The following SLC41A1 variants were observed in gnomAD, a reference collection of about 807,000 sequenced individuals.
SLC41A1 encodes solute carrier family 41 member 1, also known as solute carrier family 41 (magnesium transporter), member 1.
SLC41A1 carries 20 observed loss-of-function variants against 47.3 expected under a neutral mutation model. The observed-to-expected ratio is 0.42, with a 90% CI of 0.30 to 0.61. The LOEUF (loss-of-function observed/expected upper bound fraction) is 0.61. Among genes scored for constraint, SLC41A1 ranks in the 20% least tolerant of loss-of-function variants. The pLI is 0.17. For synonymous variants in SLC41A1, 282 were observed against 272.7 expected (o/e 1.03, Z -0.34); for missense variants, 504 against 674.1 (o/e 0.75, Z 2.79).
At chr1:205,812,373 G>A (rs1190672583) in intron 1 of SLC41A1, among the ~76,000 whole-genome samples, 1 of 152,154 alleles carries the variant, frequency 6.6e-6, no homozygotes, top group African/African-American at 2.4e-5. Context: ...CAGTACTGTG[G>A]TTCTTTCAAA....
At chr1:205,806,309 G>A (rs1375172067) in intron 2 of SLC41A1, among the ~76,000 whole-genome samples, 1 of 152,196 alleles carries the variant, frequency 6.6e-6, no homozygotes, top group Admixed American at 6.5e-5. Context: ...AGGCACAGGA[G>A]GAATACTTCC....
Position 205,798,943 on chromosome 1 carries a change from C to T in SLC41A1, c.697+14G>A. 6.2e-7 allele frequency: 1 copy of T among 1,614,114 alleles called. No individual in the cohort carries two copies. The highest frequency in any genetic ancestry group is 8.5e-7 in the Non-Finnish European group (1 of 1,180,020). On this transcript the variant is annotated intron_variant, in intron 5 of 10. Coordinates refer to ENST00000367137, the MANE Select transcript of SLC41A1 (RefSeq NM_173854.6). ...GGCGGCACTCCTTACTCCTCTATGC[C>T]CTCCCTTTCTTACCCAGTACCAGGG...
chr1:205,796,694 A>G (rs1316710990), intron 8 of SLC41A1: 4 of 594,290 alleles, frequency 6.7e-6, no homozygotes, highest in African/African-American at 5.6e-5. Context: ...CTTTAGGAGT[A>G]GAGGCTTCCC....
At chr1:205,812,407 G>C (rs924977464) in intron 1 of SLC41A1, among the ~76,000 whole-genome samples, 6 of 152,180 alleles carry the variant, frequency 3.9e-5, no homozygotes, top group Non-Finnish European at 7.4e-5. Context: ...GATCCAGGAG[G>C]AAACCTCTGA....
intron 9 of SLC41A1, 104 bp downstream of exon 9, chr1:205,795,240 G>A: frequency 7.7e-6 from 12 of 1,567,214 alleles, no homozygotes; most frequent in South Asian, 5.7e-5. Flanking sequence ...GCCCAGCAGA[G>A]AAGGAGAACC....
intron 7 of SLC41A1, 63 bp from the exon 8 acceptor site, chr1:205,797,066 G>T (rs915657950): frequency 2.7e-6 from 4 of 1,460,252 alleles, no homozygotes; most frequent in Non-Finnish European, 3.8e-6. Flanking sequence ...TAGTCTCTGG[G>T]ATGAGAGGTC....
chr1:205,800,407 G>A (rs532332469), intron 3 of SLC41A1, among the ~76,000 whole-genome samples: 257 of 152,336 alleles, frequency 1.7e-3, no homozygotes, highest in African/African-American at 5.9e-3. Context: ...CCAGGGCCCT[G>A]TATCTGTTCA....
At chr1:205,806,154 A>T (rs1474787458) in intron 2 of SLC41A1, among the ~76,000 whole-genome samples, 1 of 152,208 alleles carries the variant, frequency 6.6e-6, no homozygotes, top group Non-Finnish European at 1.5e-5. Flanking sequence ...CAACACCTGG[A>T]TATACGGTGC....
rs775460391 is a variant in SLC41A1, at chr1:205,799,843, G to C, written c.481-13C>G. Reference sequence around the variant, plus strand: ...GTCCAATGTTGGCCTGGGAAAGGGAGGGCAAGGGGCTGGAGCTTCAGGCTG... The same window carrying C: ...GTCCAATGTTGGCCTGGGAAAGGGACGGCAAGGGGCTGGAGCTTCAGGCTG... On this transcript the variant is annotated splice_polypyrimidine_tract_variant and intron_variant, in intron 3 of 10. Transcript: ENST00000367137. 3 of 1,613,830 alleles carry C rather than the reference G, an allele frequency of 1.9e-6. No individual in the cohort carries two copies. In the South Asian group the frequency reaches 3.3e-5, roughly 18 times the overall value.
At chr1:205,803,778 C>T (rs1414671377) in intron 2 of SLC41A1, among the ~76,000 whole-genome samples, 1 of 151,988 alleles carries the variant, frequency 6.6e-6, no homozygotes, top group East Asian at 1.9e-4. Flanking sequence ...CACCACCACA[C>T]CTGGCTAATT....
Position 205,813,087 on chromosome 1 carries a change from C to G in SLC41A1, c.-926G>C, listed in dbSNP as rs934334800. On this transcript the variant is annotated 5_prime_UTR_variant, in exon 1 of 11. Transcript: ENST00000367137. ...TATCGCTTCGGGCCCGGCGGGGGGG[C>G]ACCCGGACGGGGGACCGGGGAGCCG... The G allele has an allele frequency of 1.0e-6, 1 of 985,438 alleles. No homozygotes were observed. The highest frequency in any genetic ancestry group is 5.2e-4 in the Middle Eastern group (1 of 1,916). The allele number at this position is 985,438 out of a possible 1,614,324, so 61.0% of individuals were successfully genotyped here.
rs771216876 is a variant in SLC41A1 at position 205,810,788 on chromosome 1, G to A, written c.-347C>T. 2.8e-6 allele frequency: 1 copy of A among 355,868 alleles called. No individual in the cohort carries two copies. The highest frequency in any genetic ancestry group is 5.4e-6 in the Non-Finnish European group (1 of 185,368). 22.0% of individuals were successfully genotyped at this position (355,868 alleles called of 1,614,324 possible). A position where few individuals can be genotyped will look rare whatever the true frequency, so the allele number is the denominator to read the frequency against. On this transcript the variant is annotated 5_prime_UTR_variant, in exon 2 of 11. Coordinates refer to ENST00000367137, the MANE Select transcript of SLC41A1 (RefSeq NM_173854.6). The surrounding 1 kb of genome is among the most constrained non-coding windows in gnomAD (Gnocchi z 5.5). ...TCAGTGGCAGGCTCCTCAGAGCAGG[G>A]GGCATCCAGAGTAGAAGAGCTCAAC...
Position 205,790,748 on chromosome 1 carries a change from T to C in SLC41A1, c.*785A>G, listed in dbSNP as rs1341249. The C allele has an allele frequency of 0.7, 107,184 of 152,140 alleles. 39,512 individuals are homozygous for C. The highest frequency in any genetic ancestry group is 0.83 in the Non-Finnish European group (56,490 of 68,028). 9.4% of individuals were successfully genotyped at this position (152,140 alleles called of 1,614,324 possible). ...TCTGGGCCCAGGGAGACAAAGTCAT[T>C]TGGGCCCAGGGAGAATGTGGATTTT... On this transcript the variant is annotated 3_prime_UTR_variant, in exon 11 of 11. Coordinates refer to ENST00000367137, the MANE Select transcript of SLC41A1 (RefSeq NM_173854.6).
In SLC41A1 at chr1:205,791,712, T is replaced by C. The variant is rs1365622627; in HGVS notation, c.1363A>G (p.Ile455Val). 1.9e-6 allele frequency: 3 copies of C among 1,613,292 alleles called. No individual in the cohort carries two copies. In the African/African-American group the frequency reaches 4.0e-5, roughly 22 times the overall value. Reference sequence around the variant, plus strand: ...ATCCAGTCTGCGATGTACAGGAGAATCAGCACCTGGGGAGACAAAAGGGCC... The same window carrying C: ...ATCCAGTCTGCGATGTACAGGAGAACCAGCACCTGGGGAGACAAAAGGGCC... ...YMTAALLQVL[I>V]LLYIADWMVH... is the part of the protein sequence containing the mutation. The change falls in exon 11 of 11, where the codon ATT (isoleucine) becomes GTT (valine). Residue 455 changes from isoleucine (I) to valine (V), a missense_variant. Around this residue, in one of 2 missense-constraint regions of SLC41A1, gnomAD observed 421 missense variants for 601.6 expected, o/e 0.70. Coordinates refer to ENST00000367137, the MANE Select transcript of SLC41A1 (RefSeq NM_173854.6). This position sits in a 1 kb window ranked among gnomAD's most constrained non-coding sequence, Gnocchi z 4.0.
rs1215450325 is a variant in SLC41A1, at chr1:205,789,449, G to A, written c.*2084C>T. 6.6e-6 allele frequency: 1 copy of A among 152,346 alleles called. No individual in the cohort carries two copies. Among genetic ancestry groups the A allele is most frequent in the Admixed American group, 6.5e-5 (1 of 15,284 alleles). 9.4% of individuals were successfully genotyped at this position (152,346 alleles called of 1,614,324 possible). ...TGCCTGGCCAAATTCCAGAGATGAG[G>A]AAGGGGCGAGTGACTGGGGTAGGGG... On this transcript the variant is annotated 3_prime_UTR_variant, in exon 11 of 11. Transcript: ENST00000367137.
chr1:205,812,305 T>G (rs1571654943), intron 1 of SLC41A1, among the ~76,000 whole-genome samples: 1 of 152,188 alleles, frequency 6.6e-6, no homozygotes, highest in East Asian at 1.9e-4. Context: ...CCAGGAGAAC[T>G]GTTTCCTCTA....
rs1656124422 is a variant in SLC41A1 at position 205,810,470 on chromosome 1, C to T, written c.-29G>A. 1 of 1,613,914 alleles carries T rather than the reference C, an allele frequency of 6.2e-7. No individual in the cohort carries two copies. Among genetic ancestry groups the T allele is most frequent in the Admixed American group, 1.7e-5 (1 of 60,010 alleles). ...AGGCACGGAGGAGGGGAAGGGAGAA[C>T]TTTCCTCTCTTCTTTTTGCTTTCTC... On this transcript the variant is annotated 5_prime_UTR_variant, in exon 2 of 11. Coordinates refer to ENST00000367137, the MANE Select transcript of SLC41A1 (RefSeq NM_173854.6). The surrounding 1 kb of genome is among the most constrained non-coding windows in gnomAD (Gnocchi z 5.5).
At chr1:205,804,900 T>C (rs181604420) in intron 2 of SLC41A1, among the ~76,000 whole-genome samples, 6 of 152,306 alleles carry the variant, frequency 3.9e-5, no homozygotes, top group South Asian at 2.1e-4. Context: ...ATGCAAGCAA[T>C]GTTTTCTGAG....
intron 1 of SLC41A1, 185 bp downstream of exon 1, chr1:205,812,605 AAAGTGAACCAGGACGCCC>A (rs1656183497): frequency 3.6e-6 from 1 of 279,886 alleles, no homozygotes; most frequent in Non-Finnish European, 5.4e-6. Flanking sequence ...GAAAGAAGCA[AAAGTGAACCAGGACGCCC>A]TATCCCCTCC....
Sources: gnomAD v4.1 joint callset for allele counts (sites outside exome capture counted in the v4.1 genomes callset) on GRCh38, gnomAD v4.1.1 for gene constraint, gnomAD v4.1.1 regional missense constraint, Gnocchi (gnomAD v3.1) non-coding constraint, MANE v1.5 for transcripts, NCBI Gene and HGNC (gene_info 2026-07-23, HGNC 2026-07-21) for gene names.